Variants in MVB12B observed in about 807,000 individuals in gnomAD.
The protein encoded by MVB12B is multivesicular body subunit 12B.
Under a neutral mutation model 41.6 loss-of-function variants are expected in MVB12B, and 16 were observed. The ratio of observed to expected loss-of-function variants is 0.38; its 90% confidence interval spans 0.26 to 0.58. The LOEUF is 0.58. Ranked by LOEUF, MVB12B falls within the 20% of genes least tolerant of loss-of-function variation. MVB12B has a pLI of 0.62. For missense variants in MVB12B, 274 were observed against 380.2 expected (o/e 0.72, Z 2.32); for synonymous variants, 133 against 139.7 (o/e 0.95, Z 0.34).
Position 126,503,495 on chromosome 9 carries a change from T to C in MVB12B, c.*232T>C. ...ATAACCATGACTAATCTGTGTGTGCTGTAGTGACCAGCGGCTCCTAACGTG... is the reference window on the plus strand; with the variant it reads ...ATAACCATGACTAATCTGTGTGTGCCGTAGTGACCAGCGGCTCCTAACGTG... On this transcript the variant is annotated 3_prime_UTR_variant, in exon 10 of 10. Coordinates refer to ENST00000361171, the MANE Select transcript of MVB12B (RefSeq NM_033446.3). 1.8e-6 allele frequency: 1 copy of C among 569,850 alleles called. No homozygotes were observed. 35.3% of individuals were successfully genotyped at this position (569,850 alleles called of 1,614,324 possible).
At chr9:126,503,098 C>A (rs1225718765) in intron 9 of MVB12B, 79 bp from the exon 10 acceptor site, 3 of 1,292,316 alleles carry the variant, frequency 2.3e-6, no homozygotes, top group Non-Finnish European at 2.2e-6. Context: ...TCTGCCTGAT[C>A]TTGATCTGAG....
In MVB12B at chr9:126,391,522, G is replaced by A. The variant is rs113416145; in HGVS notation, c.410-544G>A. Among the ~76,000 whole-genome samples, 206 of 152,310 alleles carry A rather than the reference G, an allele frequency of 1.4e-3. No homozygotes were observed. The highest frequency in any genetic ancestry group is 2.0e-3 in the Non-Finnish European group (138 of 68,030). ...AACAGTGTCCTGGATGCCTACTGAG[G>A]TATTGATGGTGACATAACGTAGTGT... On this transcript the variant is annotated intron_variant, in intron 4 of 9. Transcript: ENST00000361171. This position sits in a 1 kb window ranked among gnomAD's most constrained non-coding sequence, Gnocchi z 4.4.
At chr9:126,462,676 G>A (rs1251647722) in intron 7 of MVB12B, among the ~76,000 whole-genome samples, 1 of 152,162 alleles carries the variant, frequency 6.6e-6, no homozygotes, top group Non-Finnish European at 1.5e-5. Flanking sequence ...ATACCAGCAG[G>A]CCCTGTTATT....
At chr9:126,420,544 C>A (rs1186808488) in intron 6 of MVB12B, among the ~76,000 whole-genome samples, 1 of 146,712 alleles carries the variant, frequency 6.8e-6, no homozygotes, top group Non-Finnish European at 1.5e-5. Flanking sequence ...CCCTGGAGAG[C>A]CTTTCCTCCC....
chr9:126,338,575 TA>T (rs34003566), intron 1 of MVB12B, among the ~76,000 whole-genome samples: 3,453 of 146,444 alleles, frequency 0.024, 75 homozygotes, highest in East Asian at 0.071. Context: ...CATACTATCT[TA>T]AAAAAAAAAA....
At chr9:126,490,843 A>G (rs1367309053) in intron 9 of MVB12B, among the ~76,000 whole-genome samples, 1 of 152,246 alleles carries the variant, frequency 6.6e-6, no homozygotes, top group African/African-American at 2.4e-5. Context: ...GTTTGTAGTC[A>G]GTCCTCAAGA....
chr9:126,410,164 TG>T (rs1831595548), intron 6 of MVB12B, among the ~76,000 whole-genome samples: 3 of 151,848 alleles, frequency 2.0e-5, no homozygotes, highest in Admixed American at 6.6e-5. Context: ...TGTGTGTGTG[TG>T]TGTGTGTGCA....
At chr9:126,474,317 A>G (rs1223369893) in intron 7 of MVB12B, among the ~76,000 whole-genome samples, 1 of 152,218 alleles carries the variant, frequency 6.6e-6, no homozygotes, top group African/African-American at 2.4e-5. Flanking sequence ...ACAAAATGCT[A>G]GTTGCAGCTA....
chr9:126,478,787 T>C lies in MVB12B; in HGVS notation c.758-2582T>C, dbSNP rs1036381890. Among the ~76,000 whole-genome samples the C allele has an allele frequency of 3.9e-5, 6 of 152,158 alleles. No individual in the cohort carries two copies. Among genetic ancestry groups the C allele is most frequent in the African/African-American group, 1.4e-4 (6 of 41,442 alleles). On this transcript the variant is annotated intron_variant, in intron 7 of 9. Transcript: ENST00000361171. This position sits in a 1 kb window ranked among gnomAD's most constrained non-coding sequence, Gnocchi z 4.2. ...AGTACTTCTCAGCCCCCTCAGTTCCTGATGTAATCAGGTCTTTGCACATCA... is the reference window on the plus strand; with the variant it reads ...AGTACTTCTCAGCCCCCTCAGTTCCCGATGTAATCAGGTCTTTGCACATCA...
At chr9:126,443,982 TGA>T (rs1252051192) in intron 7 of MVB12B, among the ~76,000 whole-genome samples, 25 of 152,400 alleles carry the variant, frequency 1.6e-4, no homozygotes, top group African/African-American at 5.5e-4. Context: ...ATAATATTTT[TGA>T]GAGTCTTCCA....
At chr9:126,463,747 G>A (rs1415201075) in intron 7 of MVB12B, among the ~76,000 whole-genome samples, 1 of 152,210 alleles carries the variant, frequency 6.6e-6, no homozygotes, top group African/African-American at 2.4e-5. Flanking sequence ...CTCAGGTCCT[G>A]GGGATCTTGG....
At chr9:126,343,414 G>T (rs1172432025) in intron 2 of MVB12B, among the ~76,000 whole-genome samples, 1 of 152,162 alleles carries the variant, frequency 6.6e-6, no homozygotes, top group African/African-American at 2.4e-5. Flanking sequence ...ATCCTGGGTG[G>T]ATGGTCAGTT....
chr9:126,337,651 T>C (rs2118809310), intron 1 of MVB12B, among the ~76,000 whole-genome samples: 1 of 152,170 alleles, frequency 6.6e-6, no homozygotes, highest in East Asian at 1.9e-4. Context: ...GATGTGAGCC[T>C]CAACTGGGAA....
At chr9:126,420,609 C>T (rs1440543249) in intron 6 of MVB12B, among the ~76,000 whole-genome samples, 5 of 111,446 alleles carry the variant, frequency 4.5e-5, no homozygotes, top group Middle Eastern at 9.6e-3. Flanking sequence ...CAGAGTTTTG[C>T]TCTGTTGCCC....
rs1833470175 is a variant in MVB12B, at chr9:126,478,876, G to A, written c.758-2493G>A. Among the ~76,000 whole-genome samples, 1 of 152,186 alleles carries A rather than the reference G, an allele frequency of 6.6e-6. No homozygotes were observed. ...CAGTGACATGTAGATAGAAACAACTGTCACCAGTGAGAGGCAGTTCTTCAC... is the reference window on the plus strand; with the variant it reads ...CAGTGACATGTAGATAGAAACAACTATCACCAGTGAGAGGCAGTTCTTCAC... On this transcript the variant is annotated intron_variant, in intron 7 of 9. Transcript: ENST00000361171. This position sits in a 1 kb window ranked among gnomAD's most constrained non-coding sequence, Gnocchi z 4.2.
At chr9:126,411,947 G>A (rs937093215) in intron 6 of MVB12B, among the ~76,000 whole-genome samples, 1 of 152,156 alleles carries the variant, frequency 6.6e-6, no homozygotes, top group African/African-American at 2.4e-5. Flanking sequence ...AGGAGGATTC[G>A]AGTGTTAGTC....
intron 2 of MVB12B, among the ~76,000 whole-genome samples, chr9:126,358,433 A>G (rs150394929): frequency 3.3e-5 from 5 of 152,152 alleles, no homozygotes; most frequent in African/African-American, 1.2e-4. Flanking sequence ...TTAAGTCTTC[A>G]GATCCATGGA....
At chr9:126,471,972 T>TG (rs72613364) in intron 7 of MVB12B, among the ~76,000 whole-genome samples, 130,611 of 150,384 alleles carry the variant, frequency 0.87, 56,909 homozygotes, top group East Asian at 1. Flanking sequence ...TAATAGAGTC[T>TG]GTTTTTTTTT....
intron 2 of MVB12B, among the ~76,000 whole-genome samples, chr9:126,378,528 T>G (rs531510277): frequency 4.2e-4 from 64 of 152,194 alleles, no homozygotes; most frequent in African/African-American, 1.5e-3. Flanking sequence ...CCCTGAACCA[T>G]CCAGCCCTCC....
Sources: gnomAD v4.1 joint callset for allele counts (sites outside exome capture counted in the v4.1 genomes callset) on GRCh38, gnomAD v4.1.1 for gene constraint, Gnocchi (gnomAD v3.1) non-coding constraint, MANE v1.5 for transcripts, NCBI Gene and HGNC (gene_info 2026-07-23, HGNC 2026-07-21) for gene names.